CACNA1C: variants seen among roughly 807,000 people sequenced by gnomAD.
CACNA1C encodes calcium voltage-gated channel subunit alpha1 C.
CACNA1C carries 30 observed loss-of-function variants against 229.0 expected under a neutral mutation model. The ratio of observed to expected loss-of-function variants is 0.13; its 90% CI spans 0.10 to 0.18. The LOEUF (loss-of-function observed/expected upper bound fraction) is 0.18, where lower values mean the gene tolerates loss of function less well. Among genes scored for constraint, CACNA1C ranks in the 10% least tolerant of loss-of-function variants. CACNA1C has a pLI of 1.00. For missense variants in CACNA1C, 1,658 were observed against 2,845.0 expected, an observed-to-expected ratio of 0.58 and a Z score of 9.49; for synonymous variants, 1,114 against 1,132.5, an observed-to-expected ratio of 0.98 and a Z score of 0.33.
intron 4 of CACNA1C, 28 bp from the exon 5 acceptor site, chr12:2,457,539 C>T (rs756841006): frequency 3.1e-6 from 5 of 1,598,796 alleles, no homozygotes; most frequent in Non-Finnish European, 3.4e-6. Context: ...CCAGTCCTGA[C>T]AGTCCTTCTC....
At chr12:2,483,079 G>A (rs1056294553) in intron 5 of CACNA1C, among the ~76,000 whole-genome samples, 5 of 152,246 alleles carry the variant, frequency 3.3e-5, no homozygotes, top group Non-Finnish European at 5.9e-5. Flanking sequence ...CCACGTGCCT[G>A]AGACACAAAG....
chr12:2,450,434 G>A (rs1208489481), intron 4 of CACNA1C, among the ~76,000 whole-genome samples: 2 of 150,956 alleles, frequency 1.3e-5, no homozygotes, highest in Non-Finnish European at 2.9e-5. Flanking sequence ...GGCGCCTGTA[G>A]TCCCAGCTAC....
At chr12:2,089,760 C>T (rs1009216350) in intron 1 of CACNA1C, among the ~76,000 whole-genome samples, 7 of 152,102 alleles carry the variant, frequency 4.6e-5, no homozygotes, top group South Asian at 2.1e-4. Flanking sequence ...ACTGGCTGGG[C>T]GCGGTGGCTG....
chr12:2,625,302 T>TA (rs980352733), intron 29 of CACNA1C, among the ~76,000 whole-genome samples: 2 of 152,070 alleles, frequency 1.3e-5, no homozygotes, highest in African/African-American at 4.8e-5. Flanking sequence ...TCACACGGTG[T>TA]AAAAAAGCCC....
At position 2,285,640 on chromosome 12, in the gene CACNA1C, G is replaced by A. The variant is rs991348161; in HGVS notation, c.478-163336G>A. ...AATCACTCAAAGCAGAGTGATGGAC[G>A]AGACTTACTTTCGACGTTCCTAGGC... is the stretch of plus-strand genomic sequence containing the variant. On this transcript the variant is annotated intron_variant, in intron 3 of 46. Transcript: ENST00000399655. This position sits in a 1 kb window ranked among gnomAD's most constrained non-coding sequence, Gnocchi z 4.2. 3.9e-5 allele frequency among the ~76,000 whole-genome samples: 6 copies of A among 152,154 alleles called. No homozygotes were observed. Among genetic ancestry groups the A allele is most frequent in the Non-Finnish European group, 5.9e-5 (4 of 68,034 alleles).
chr12:2,162,635 G>T (rs539299922), intron 3 of CACNA1C, among the ~76,000 whole-genome samples: 179 of 152,210 alleles, frequency 1.2e-3, no homozygotes, highest in African/African-American at 4.1e-3. Context: ...ACGTGCCCCC[G>T]TGAATAGCAG....
chr12:2,228,583 AT>A (rs1196627477), intron 3 of CACNA1C, among the ~76,000 whole-genome samples: 4 of 152,216 alleles, frequency 2.6e-5, no homozygotes, highest in African/African-American at 9.7e-5. Context: ...GGGGTAGCTT[AT>A]AGAGTTTGTA....
chr12:2,390,128 G>A (rs773697873), intron 3 of CACNA1C, among the ~76,000 whole-genome samples: 8 of 152,114 alleles, frequency 5.3e-5, no homozygotes, highest in Non-Finnish European at 8.8e-5. Context: ...TTGTAGGTAC[G>A]TCTTCTTTAA....
At chr12:2,139,845 C>T (rs1002131828) in intron 3 of CACNA1C, among the ~76,000 whole-genome samples, 2 of 151,268 alleles carry the variant, frequency 1.3e-5, no homozygotes, top group Non-Finnish European at 3.0e-5. Context: ...TGAGGCCGCT[C>T]CCAGGACACA....
At chr12:2,411,012 T>C (rs2098801560) in intron 3 of CACNA1C, among the ~76,000 whole-genome samples, 1 of 152,110 alleles carries the variant, frequency 6.6e-6, no homozygotes, top group Non-Finnish European at 1.5e-5. Flanking sequence ...CCAGGCTCCA[T>C]CACTCTCCAG....
chr12:2,136,076 G>T lies in CACNA1C; in HGVS notation c.477+15646G>T, dbSNP rs1027325056. 3.2e-4 allele frequency among the ~76,000 whole-genome samples: 49 copies of T among 151,090 alleles called. 3 individuals are homozygous for T. Among genetic ancestry groups the T allele is most frequent in the African/African-American group, 1.1e-3 (46 of 41,264 alleles). ...GTGGGAGTGACCCAATTTTCCAGGT[G>T]CGTCCGTCACCCCTTTCTTTGACTC... is the stretch of plus-strand genomic sequence containing the variant. On this transcript the variant is annotated intron_variant, in intron 3 of 46. Coordinates refer to ENST00000399655, the MANE Select transcript of CACNA1C (RefSeq NM_000719.7).
At chr12:2,682,065 C>G (rs760864453) in intron 42 of CACNA1C, 1 of 1,444,362 alleles carries the variant, frequency 6.9e-7, no homozygotes, top group South Asian at 1.2e-5. Context: ...GTGAGGCTTC[C>G]TCTCTGTGCC....
chr12:2,504,355 A>G lies in CACNA1C; in HGVS notation c.1114-487A>G, dbSNP rs1008832. The G allele has an allele frequency of 0.43, 337,262 of 791,250 alleles. 77,226 individuals are homozygous for G. The highest frequency in any genetic ancestry group is 0.77 in the African/African-American group (45,425 of 58,878). 49.0% of individuals were successfully genotyped at this position (791,250 alleles called of 1,614,324 possible). ...CGTTCAGCCCCGTCTGTCCCCTCCC[A>G]ATCTGCTCACACCTGCTGCCTGCCT... On this transcript the variant is annotated intron_variant, in intron 7 of 46. Transcript: ENST00000399655. The surrounding 1 kb of genome is among the most constrained non-coding windows in gnomAD (Gnocchi z 6.8).
rs187944728 is a variant in CACNA1C, at chr12:2,665,526, A to T, written c.4399-55A>T. ...GCCCCAGCTGGCAAGGGGGTTCCAG[A>T]GGCAGGTGTGTAGGAAGGTCTTCTC... On this transcript the variant is annotated intron_variant, in intron 35 of 46. Transcript: ENST00000399655. The surrounding 1 kb of genome is among the most constrained non-coding windows in gnomAD (Gnocchi z 5.9). The T allele has an allele frequency of 4.7e-5, 75 of 1,600,606 alleles. No homozygotes were observed. In the Admixed American group the frequency reaches 1.2e-3, roughly 27 times the overall value.
intron 3 of CACNA1C, among the ~76,000 whole-genome samples, chr12:2,412,478 G>A (rs2098819049): frequency 6.6e-6 from 1 of 152,230 alleles, no homozygotes. Context: ...TAAGCTCCAG[G>A]AGCCCAGCAG....
At chr12:2,364,593 A>G (rs901742125) in intron 3 of CACNA1C, among the ~76,000 whole-genome samples, 9 of 152,246 alleles carry the variant, frequency 5.9e-5, no homozygotes, top group African/African-American at 1.9e-4. Flanking sequence ...GGCTAAAAGC[A>G]GAACGTTTAA....
At chr12:2,476,183 T>C (rs1208327494) in intron 5 of CACNA1C, among the ~76,000 whole-genome samples, 2 of 152,328 alleles carry the variant, frequency 1.3e-5, no homozygotes, top group African/African-American at 4.8e-5. Context: ...ATTAGAGCTG[T>C]CATGAGAGAT....
At chr12:2,032,566 C>T (rs867455840) in intron 1 of CACNA1C, among the ~76,000 whole-genome samples, 25 of 152,162 alleles carry the variant, frequency 1.6e-4, no homozygotes, top group African/African-American at 5.8e-4. Flanking sequence ...TGTGAGTGTT[C>T]GGATGTGAAT....
chr12:2,565,238 G>T (rs1005810943), intron 11 of CACNA1C, among the ~76,000 whole-genome samples: 1 of 151,954 alleles, frequency 6.6e-6, no homozygotes, highest in Non-Finnish European at 1.5e-5. Flanking sequence ...GGAGGCCGAG[G>T]CGGGTGGATC....
Sources: allele counts gnomAD v4.1 joint callset (sites outside exome capture counted in the v4.1 genomes callset), GRCh38; gene constraint gnomAD v4.1.1; non-coding constraint Gnocchi (gnomAD v3.1); transcripts MANE v1.5; gene names NCBI Gene and HGNC (gene_info 2026-07-23, HGNC 2026-07-21).